Variants in ARFGEF1 observed in about 807,000 individuals in gnomAD.
ARFGEF1 encodes the protein brefeldin A-inhibited guanine nucleotide-exchange protein 1.
Under a neutral mutation model 231.0 loss-of-function variants are expected in ARFGEF1, and 42 were observed. The ratio of observed to expected loss-of-function variants is 0.18; its 90% CI spans 0.14 to 0.24. The LOEUF (loss-of-function observed/expected upper bound fraction) is 0.24. ARFGEF1 is among the 10% of genes least tolerant of loss of function. The pLI is 1.00. For synonymous variants in ARFGEF1, 710 were observed against 732.3 expected, an observed-to-expected ratio of 0.97 and a Z score of 0.49; for missense variants, 1,345 against 2,192.0, an observed-to-expected ratio of 0.61 and a Z score of 7.72.
At chr8:67,180,950 A>G (rs192297401) in intron 5 of ARFGEF1, among the ~76,000 whole-genome samples, 22 of 152,076 alleles carry the variant, frequency 1.4e-4, no homozygotes, top group Admixed American at 3.9e-4. Flanking sequence ...TCTAGTCTAC[A>G]TATTAGTTGT....
chr8:67,308,964 T>C (rs1010854549), intron 1 of ARFGEF1, among the ~76,000 whole-genome samples: 1 of 152,160 alleles, frequency 6.6e-6, no homozygotes, highest in Non-Finnish European at 1.5e-5. Context: ...TTATTATTTA[T>C]TACAGTCACA....
downstream of ARFGEF1, chr8:67,193,592 T>TATTA (rs779436140): frequency 6.2e-7 from 1 of 1,613,244 alleles, no homozygotes; most frequent in Non-Finnish European, 8.5e-7. Flanking sequence ...ACAATAAACC[T>TATTA]ATTAATACAG....
chr8:67,283,949 C>T (rs1444689405), intron 7 of ARFGEF1, among the ~76,000 whole-genome samples: 1 of 152,130 alleles, frequency 6.6e-6, no homozygotes, highest in African/African-American at 2.4e-5. Context: ...TATTCATTTA[C>T]CACTTGACCC....
intron 17 of ARFGEF1, among the ~76,000 whole-genome samples, chr8:67,257,325 C>A (rs1587147257): frequency 6.6e-6 from 1 of 152,162 alleles, no homozygotes; most frequent in South Asian, 2.1e-4. Flanking sequence ...TGTGATCCGC[C>A]TGTCTCGGCC....
intron 33 of ARFGEF1, among the ~76,000 whole-genome samples, chr8:67,215,764 G>A (rs1342799248): frequency 1.3e-5 from 2 of 152,276 alleles, no homozygotes; most frequent in East Asian, 3.9e-4. Flanking sequence ...ATGGTCTTTA[G>A]AACCATGAGA....
chr8:67,328,857 G>A (rs1254244548), intron 1 of ARFGEF1, among the ~76,000 whole-genome samples: 4 of 152,204 alleles, frequency 2.6e-5, no homozygotes, highest in Non-Finnish European at 5.9e-5. Flanking sequence ...GAAGGAGAAA[G>A]AAGGAGAATC....
chr8:67,312,165 C>T (rs1279445665), intron 1 of ARFGEF1, among the ~76,000 whole-genome samples: 2 of 151,410 alleles, frequency 1.3e-5, no homozygotes, highest in African/African-American at 2.4e-5. Context: ...ATCTGCTGAC[C>T]TTCCCTCCAC....
rs751420249 is a variant in ARFGEF1 at position 67,296,626 on chromosome 8, A to C, written c.460-16T>G. ...TAAGTAAAGCCTTTAAGAAAAAAAAAGGAAAAAGTTAAAGAGATTTTCTTT... is the reference window on the plus strand; with the variant it reads ...TAAGTAAAGCCTTTAAGAAAAAAAACGGAAAAAGTTAAAGAGATTTTCTTT... On this transcript the variant is annotated splice_polypyrimidine_tract_variant and intron_variant, in intron 4 of 38. Coordinates refer to ENST00000262215, the MANE Select transcript of ARFGEF1 (RefSeq NM_006421.5). The C allele has an allele frequency of 1.3e-6, 2 of 1,562,594 alleles. No homozygotes were observed. The highest frequency in any genetic ancestry group is 2.2e-5 in the East Asian group (1 of 44,470).
chr8:67,210,141 CAAGACTCCGTCTCAAAAAAAAAAAA>C (rs1838676403), intron 34 of ARFGEF1, among the ~76,000 whole-genome samples: 1 of 108,386 alleles, frequency 9.2e-6, no homozygotes, highest in Admixed American at 1.2e-4. Context: ...GGTGACAGAG[CAAGACTCCGTCTCAAAAAAAAAAAA>C]AAAAAAAAGA....
rs1839884910 is a variant in ARFGEF1, at chr8:67,240,085, T to A, written c.2979+77A>T. 13 of 1,535,814 alleles carry A rather than the reference T, an allele frequency of 8.5e-6. No individual in the cohort carries two copies. The South Asian group carries it at 1.6e-4, about 19-fold the overall frequency. The stretch of plus-strand genomic sequence containing the variant: ...GTTTTTAATGTCACACATAAACAAT[T>A]ATTGTAATTTAAACTATTGTAATGG... On this transcript the variant is annotated intron_variant, in intron 20 of 38. Transcript: ENST00000262215.
chr8:67,339,868 A>G (rs1184131747), intron 1 of ARFGEF1, among the ~76,000 whole-genome samples: 1 of 146,352 alleles, frequency 6.8e-6, no homozygotes, highest in African/African-American at 2.5e-5. Flanking sequence ...AATTTGAAAA[A>G]CGTTTTACAT....
At chr8:67,195,161 AT>A (rs1217818746), downstream of ARFGEF1, among the ~76,000 whole-genome samples, 2 of 152,068 alleles carry the variant, frequency 1.3e-5, no homozygotes, top group African/African-American at 4.8e-5. Context: ...TCAGTTGATC[AT>A]TTTTTGTTTT....
In ARFGEF1 at chr8:67,236,368, ATATATAT is replaced by A. The variant is rs1839762539; in HGVS notation, c.3289+1968_3289+1974del. The stretch of plus-strand genomic sequence containing the variant: ...ATTAGTTAAAAAAAAAAAAAAAAAT[ATATATAT>A]ATATATATATATATATATATATATA... On this transcript the variant is annotated intron_variant, in intron 22 of 38. Transcript: ENST00000262215. 9.2e-3 allele frequency among the ~76,000 whole-genome samples: 240 copies of A among 26,100 alleles called. 6 individuals are homozygous for A. The highest frequency in any genetic ancestry group is 0.019 in the African/African-American group (111 of 5,722). 17.1% of individuals were successfully genotyped at this position (26,100 alleles called of 152,430 possible).
At chr8:67,244,242 C>T (rs1331633300) in intron 19 of ARFGEF1, among the ~76,000 whole-genome samples, 1 of 20,096 alleles carries the variant, frequency 5.0e-5, no homozygotes, top group African/African-American at 1.5e-4. Context: ...GACTCCACCT[C>T]AAAAAAAAAA....
At chr8:67,215,797 GCCA>G (rs1319543517) in intron 33 of ARFGEF1, among the ~76,000 whole-genome samples, 1 of 152,134 alleles carries the variant, frequency 6.6e-6, no homozygotes, top group East Asian at 1.9e-4. Context: ...ATAGTTTTAA[GCCA>G]CCAAGTTTGT....
chr8:67,287,732 A>C (rs540715807), intron 7 of ARFGEF1, among the ~76,000 whole-genome samples: 4 of 152,212 alleles, frequency 2.6e-5, no homozygotes, highest in Non-Finnish European at 2.9e-5. Context: ...TTAGCTTCTT[A>C]AAGCATAGTT....
At chr8:67,250,171 T>C (rs1174009439) in intron 19 of ARFGEF1, among the ~76,000 whole-genome samples, 1 of 152,160 alleles carries the variant, frequency 6.6e-6, no homozygotes, top group African/African-American at 2.4e-5. Flanking sequence ...CATGGTATCA[T>C]GCAAAGCCAA....
At chr8:67,238,552 T>C (rs1340108175) in intron 21 of ARFGEF1, 59 bp from the exon 22 acceptor site, 3 of 1,515,704 alleles carry the variant, frequency 2.0e-6, no homozygotes, top group African/African-American at 2.8e-5. Flanking sequence ...TTCAAAAAGA[T>C]TTAAATATAT....
chr8:67,228,181 A>G (rs1839438440), intron 24 of ARFGEF1, 43 bp downstream of exon 24: 1 of 1,605,940 alleles, frequency 6.2e-7, no homozygotes, highest in Non-Finnish European at 8.5e-7. Context: ...AAGTTATTTT[A>G]GCCCCAAGCC....
Sources: gnomAD v4.1 joint callset for allele counts (sites outside exome capture counted in the v4.1 genomes callset) on GRCh38, gnomAD v4.1.1 for gene constraint, MANE v1.5 for transcripts, NCBI Gene and HGNC (gene_info 2026-07-23, HGNC 2026-07-21) for gene names.